SCN2A: variants seen among roughly 807,000 people sequenced by gnomAD.
SCN2A encodes the protein sodium voltage-gated channel alpha subunit 2, also known as sodium channel protein type 2 subunit alpha.
Under a neutral mutation model 188.7 loss-of-function variants are expected in SCN2A, and 20 were observed. That is an observed-to-expected ratio of 0.11 (90% confidence interval 0.07 to 0.15). The LOEUF (loss-of-function observed/expected upper bound fraction) is 0.15. SCN2A is among the 10% of genes least tolerant of loss of function. SCN2A has a pLI of 1.00. For synonymous variants in SCN2A, 804 were observed against 833.1 expected (o/e 0.97, Z 0.60); for missense variants, 1,278 against 2,445.0 (o/e 0.52, Z 10.07).
At chr2:165,303,570 T>C (rs571761661) in intron 3 of SCN2A, among the ~76,000 whole-genome samples, 1 of 152,268 alleles carries the variant, frequency 6.6e-6, no homozygotes, top group East Asian at 1.9e-4. Flanking sequence ...CCACCGCGCC[T>C]GGCCATATTT....
chr2:165,353,053 C>CT (rs199906634), intron 16 of SCN2A, among the ~76,000 whole-genome samples: 1,751 of 141,082 alleles, frequency 0.012, 23 homozygotes, highest in African/African-American at 0.035. Context: ...CGTAAGTTGT[C>CT]TTTTTTTTTT....
rs573237793 is a variant in SCN2A, at chr2:165,243,544, G to A, written c.-52+3904G>A. Reference sequence around the variant, plus strand: ...TTGAACCTGGGAGGCGGAGGTTGCAGTGAGCTGAGATTGCGCCACTGCACT... The same window carrying A: ...TTGAACCTGGGAGGCGGAGGTTGCAATGAGCTGAGATTGCGCCACTGCACT... On this transcript the variant is annotated intron_variant, in intron 1 of 26. Coordinates refer to ENST00000375437, the MANE Select transcript of SCN2A (RefSeq NM_001040142.2). Among the ~76,000 whole-genome samples the A allele has an allele frequency of 1.6e-4, 24 of 151,640 alleles. No homozygotes were observed. In the South Asian group the frequency reaches 5.0e-3, roughly 32 times the overall value.
intron 3 of SCN2A, among the ~76,000 whole-genome samples, chr2:165,301,820 GC>G (rs986533817): frequency 1.3e-5 from 2 of 152,172 alleles, no homozygotes; most frequent in African/African-American, 4.8e-5. Context: ...GTTTAGACCT[GC>G]AACTGACCCA....
At chr2:165,369,916 TA>T (rs1700937633) in intron 19 of SCN2A, among the ~76,000 whole-genome samples, 1 of 152,148 alleles carries the variant, frequency 6.6e-6, no homozygotes, top group Non-Finnish European at 1.5e-5. Flanking sequence ...GACCAAAATT[TA>T]AAAATTACTG....
chr2:165,379,164 T>C (rs1406614156), intron 23 of SCN2A, among the ~76,000 whole-genome samples: 1 of 151,762 alleles, frequency 6.6e-6, no homozygotes, highest in Non-Finnish European at 1.5e-5. Context: ...AAAATGAATA[T>C]AACTTTTTTT....
chr2:165,301,283 G>T (rs945287869), intron 3 of SCN2A, among the ~76,000 whole-genome samples: 7 of 152,180 alleles, frequency 4.6e-5, no homozygotes, highest in Admixed American at 3.3e-4. Context: ...TTCAGAAAAG[G>T]GCTGGGCTGG....
At chr2:165,304,523 T>C (rs1474718851) in intron 3 of SCN2A, among the ~76,000 whole-genome samples, 1 of 152,244 alleles carries the variant, frequency 6.6e-6, no homozygotes, top group Non-Finnish European at 1.5e-5. Flanking sequence ...CACTGTGAAA[T>C]AGCAAGGCTA....
chr2:165,318,918 TAAC>T (rs1447401625), intron 11 of SCN2A, among the ~76,000 whole-genome samples: 1 of 152,162 alleles, frequency 6.6e-6, no homozygotes, highest in Non-Finnish European at 1.5e-5. Flanking sequence ...CTTTAAAAAA[TAAC>T]TACTTGTATG....
chr2:165,308,889 G>A lies in SCN2A; in HGVS notation c.605+95G>A. ...TTGGTGGCTTGCCTTGACAGACCAA[G>A]CATTTTTCTTAGTAATCATAGTTTT... On this transcript the variant is annotated intron_variant, in intron 5 of 26. Transcript: ENST00000375437. The A allele has an allele frequency of 5.5e-6, 8 of 1,460,288 alleles. No homozygotes were observed. The South Asian group carries it at 9.6e-5, about 17-fold the overall frequency. The allele number at this position is 1,460,288 out of a possible 1,614,324, so 90.5% of individuals were successfully genotyped here. A position where few individuals can be genotyped will look rare whatever the true frequency, so the allele number is the denominator to read the frequency against.
chr2:165,319,679 A>C (rs955367164), intron 11 of SCN2A, among the ~76,000 whole-genome samples: 1 of 152,126 alleles, frequency 6.6e-6, no homozygotes, highest in African/African-American at 2.4e-5. Flanking sequence ...AAGCAAAGAG[A>C]GAGTGAAAGC....
In SCN2A at chr2:165,306,524, G is replaced by T. The variant is rs908660454; in HGVS notation, c.387-1324G>T. Among the ~76,000 whole-genome samples, 44 of 126,076 alleles carry T rather than the reference G, an allele frequency of 3.5e-4. 1 individual carries two copies. Among genetic ancestry groups the T allele is most frequent in the African/African-American group, 1.1e-3 (42 of 37,566 alleles). 82.7% of individuals were successfully genotyped at this position (126,076 alleles called of 152,430 possible). ...GTATTTTGTGTGTGTGTGTGTGTGT[G>T]TGTGTGTGTGTGTGTGTGTGTGTGT... On this transcript the variant is annotated intron_variant, in intron 3 of 26. Transcript: ENST00000375437.
At chr2:165,351,876 T>G (rs1477212619) in intron 16 of SCN2A, among the ~76,000 whole-genome samples, 2 of 151,866 alleles carry the variant, frequency 1.3e-5, no homozygotes, top group Non-Finnish European at 2.9e-5. Flanking sequence ...TGCTTGTTTT[T>G]TTTTTTTTTT....
intron 1 of SCN2A, among the ~76,000 whole-genome samples, chr2:165,295,512 C>CA (rs1696459165): frequency 6.6e-6 from 1 of 152,202 alleles, no homozygotes; most frequent in African/African-American, 2.4e-5. Flanking sequence ...TATTTTCCCA[C>CA]AAGTAGCACA....
At position 165,295,961 on chromosome 2, in the gene SCN2A, T is replaced by C. The variant is rs145233994; in HGVS notation, c.138T>C (p.Asp46=). 1.9e-6 allele frequency: 3 copies of C among 1,614,120 alleles called. No homozygotes were observed. Among genetic ancestry groups the C allele is most frequent in the Non-Finnish European group, 2.5e-6 (3 of 1,180,016 alleles). The change falls in exon 2 of 27, where the codon GAT becomes GAC. Residue 46 remains aspartate (D), a synonymous_variant. Transcript: ENST00000375437. The stretch of plus-strand genomic sequence containing the variant: ...AACAGGAACGCAAGGATGAGGATGA[T>C]GAAAATGGCCCAAAGCCAAACAGTG... ...RPKQERKDED[D]ENGPKPNSDL...
chr2:165,374,699 T>C lies in SCN2A; in HGVS notation c.3987T>C (p.Ala1329=). The C allele has an allele frequency of 6.2e-7, 1 of 1,613,346 alleles. No homozygotes were observed. The highest frequency in any genetic ancestry group is 8.5e-7 in the Non-Finnish European group (1 of 1,179,536). The change falls in exon 22 of 27, where the codon GCT becomes GCC. Residue 1329 remains alanine, a synonymous_variant. Coordinates refer to ENST00000375437, the MANE Select transcript of SCN2A (RefSeq NM_001040142.2). ...TCCTGTGCCAGGTTGTTGTAAATGC[T>C]CTTTTAGGAGCCATTCCATCTATCA... ...RFEGMRVVVN[A]LLGAIPSIMN...
chr2:165,323,802 A>G (rs746345379), intron 12 of SCN2A, among the ~76,000 whole-genome samples: 3 of 152,264 alleles, frequency 2.0e-5, no homozygotes, highest in Admixed American at 6.5e-5. Flanking sequence ...TTTGATTAAT[A>G]TAGTTAAATT....
At chr2:165,319,909 G>A (rs1697982898) in intron 11 of SCN2A, among the ~76,000 whole-genome samples, 1 of 152,096 alleles carries the variant, frequency 6.6e-6, no homozygotes, top group South Asian at 2.1e-4. Flanking sequence ...CAAATCTCAT[G>A]TCCTCACATT....
At chr2:165,282,873 CA>C (rs1240348779) in intron 1 of SCN2A, among the ~76,000 whole-genome samples, 1 of 151,982 alleles carries the variant, frequency 6.6e-6, no homozygotes, top group Non-Finnish European at 1.5e-5. Context: ...GAATATAGAA[CA>C]AAAAGGTCAC....
intron 8 of SCN2A, among the ~76,000 whole-genome samples, 169 bp from the exon 9 acceptor site, chr2:165,313,451 T>C (rs1463018491): frequency 6.6e-6 from 1 of 152,182 alleles, no homozygotes; most frequent in Non-Finnish European, 1.5e-5. Flanking sequence ...GATTCTGTTA[T>C]TATATAAATC....
Sources: allele counts gnomAD v4.1 joint callset (sites outside exome capture counted in the v4.1 genomes callset), GRCh38; gene constraint gnomAD v4.1.1; transcripts MANE v1.5; gene names NCBI Gene and HGNC (gene_info 2026-07-23, HGNC 2026-07-21).